LIMA1: variants seen among roughly 807,000 people sequenced by gnomAD.
LIMA1 encodes the protein LIM domain and actin binding 1.
In LIMA1, 52 loss-of-function variants were observed where a neutral mutation model predicts 62.6. That is an observed-to-expected ratio of 0.83 (90% confidence interval 0.67 to 1.05). LIMA1 has a LOEUF of 1.05. LIMA1 is among the 50% of genes least tolerant of loss of function. The pLI, the probability that LIMA1 is intolerant of heterozygous loss-of-function variation, is 0.00. For missense variants in LIMA1, 780 were observed against 902.2 expected (o/e 0.86, Z 1.74); for synonymous variants, 302 against 317.8 (o/e 0.95, Z 0.53).
At chr12:50,248,983 C>T (rs1355464282) in intron 1 of LIMA1, among the ~76,000 whole-genome samples, 1 of 152,162 alleles carries the variant, frequency 6.6e-6, no homozygotes, top group African/African-American at 2.4e-5. Context: ...TTTAAGGTCC[C>T]TTCCAGTTCC....
At chr12:50,249,969 A>T (rs1482832128) in intron 1 of LIMA1, 1 of 152,200 alleles carries the variant, frequency 6.6e-6, no homozygotes, top group Non-Finnish European at 1.5e-5. Context: ...ATTTAAATCC[A>T]GCAACTCAAG....
At chr12:50,258,020 T>C (rs1475829704) in intron 1 of LIMA1, among the ~76,000 whole-genome samples, 1 of 152,240 alleles carries the variant, frequency 6.6e-6, no homozygotes, top group African/African-American at 2.4e-5. Context: ...TTGGCTCCAG[T>C]GTTCTCTCAA....
At chr12:50,186,167 T>C in intron 9 of LIMA1, 1 of 152,230 alleles carries the variant, frequency 6.6e-6, no homozygotes, top group East Asian at 1.9e-4. Flanking sequence ...ATCCTGCCCA[T>C]GCCTTCATGG....
Position 50,177,701 on chromosome 12 carries a change from C to T in LIMA1, c.1643G>A (p.Gly548Glu). The T allele has an allele frequency of 6.2e-7, 1 of 1,611,178 alleles. No homozygotes were observed. The highest frequency in any genetic ancestry group is 1.1e-5 in the South Asian group (1 of 90,502). Reference protein sequence around the residue: ...LGSSGSALEEGIKMSKPKWPP... With the variant: ...LGSSGSALEEEIKMSKPKWPP... ...CCATTTGGGCTTTGACATTTTGATC[C>T]CTTCCTCCAAGGCACTTCCTGAACT... The change falls in exon 11 of 11, where the codon GGG (glycine) becomes GAG (glutamate). Residue 548 changes from glycine to glutamate, a missense_variant. Physicochemically the swap from Gly to Glu is moderately conservative, Grantham distance 98. Coordinates refer to ENST00000341247, the MANE Select transcript of LIMA1 (RefSeq NM_016357.5).
intron 6 of LIMA1, 187 bp downstream of exon 6, chr12:50,204,365 G>T: frequency 1.7e-6 from 1 of 573,656 alleles, no homozygotes; most frequent in African/African-American, 1.9e-5. Context: ...GACTAAGAAA[G>T]CAAAGTCAGG....
In LIMA1 at chr12:50,222,393, G is replaced by A; in HGVS notation, c.258C>T (p.His86=). The A allele has an allele frequency of 1.9e-6, 3 of 1,614,136 alleles. No homozygotes were observed. The highest frequency in any genetic ancestry group is 2.5e-6 in the Non-Finnish European group (3 of 1,180,004). Residue 86 remains histidine (H), a synonymous_variant, in exon 4 of 11, where the codon CAC becomes CAT. Transcript: ENST00000341247. ...TGCTGCTGTTCCGTAGAGAGTCTGT[G>A]TGAGACTCTGCTCCCAGCCCTGGGT... ...WENPGLGAES[H]TDSLRNSSTE...
chr12:50,178,326 C>T (rs992119406), intron 10 of LIMA1, among the ~76,000 whole-genome samples: 5 of 151,996 alleles, frequency 3.3e-5, no homozygotes, highest in Admixed American at 1.3e-4. Flanking sequence ...GTGAGAGGAT[C>T]GCTTGAGCCC....
At chr12:50,262,652 AT>A (rs1420478793) in intron 1 of LIMA1, among the ~76,000 whole-genome samples, 43 of 151,374 alleles carry the variant, frequency 2.8e-4, no homozygotes, top group African/African-American at 1.0e-3. Context: ...ATAAAATAAA[AT>A]AAAATAAAAT....
intron 4 of LIMA1, among the ~76,000 whole-genome samples, chr12:50,210,641 T>A (rs1412514148): frequency 6.6e-6 from 1 of 152,220 alleles, no homozygotes; most frequent in Non-Finnish European, 1.5e-5. Context: ...AGCATAATCA[T>A]TTAGAACCAG....
chr12:50,246,753 TC>T (rs1286177935), intron 2 of LIMA1, among the ~76,000 whole-genome samples: 6 of 152,114 alleles, frequency 3.9e-5, no homozygotes, highest in African/African-American at 1.4e-4. Context: ...GCTTTCCTAT[TC>T]CCTTTATTCG....
intron 3 of LIMA1, among the ~76,000 whole-genome samples, chr12:50,226,019 ACTT>A (rs1039631875): frequency 2.6e-4 from 40 of 152,068 alleles, no homozygotes; most frequent in African/African-American, 7.5e-4. Context: ...TTACACTGTT[ACTT>A]CTTTGTTATC....
intron 1 of LIMA1, among the ~76,000 whole-genome samples, chr12:50,282,704 T>C (rs936130137): frequency 3.3e-5 from 5 of 152,130 alleles, no homozygotes; most frequent in African/African-American, 1.2e-4. Flanking sequence ...TGCAAGACAA[T>C]AGTAGTTCAA....
intron 1 of LIMA1, among the ~76,000 whole-genome samples, chr12:50,278,275 A>T (rs1592575167): frequency 6.6e-6 from 1 of 152,164 alleles, no homozygotes; most frequent in East Asian, 1.9e-4. Context: ...AAAAAAAAAT[A>T]GCCAGGTGTG....
chr12:50,260,011 A>G (rs1412046476), intron 1 of LIMA1, among the ~76,000 whole-genome samples: 1 of 152,162 alleles, frequency 6.6e-6, no homozygotes, highest in Non-Finnish European at 1.5e-5. Context: ...ACTCCCAGGA[A>G]TCAATAAAGA....
chr12:50,215,538 CG>C (rs1941328603), intron 4 of LIMA1, among the ~76,000 whole-genome samples: 2 of 152,138 alleles, frequency 1.3e-5, no homozygotes, highest in South Asian at 4.1e-4. Context: ...GGCGCAATCT[CG>C]GCTCACTGCA....
At position 50,195,861 on chromosome 12, in the gene LIMA1, T is replaced by A; in HGVS notation, c.999A>T (p.Ala333=). The change falls in exon 8 of 11, where the codon GCA becomes GCT. Residue 333 remains alanine, a synonymous_variant. Transcript: ENST00000341247. ...EKISANENSL[A]VRSTPAEDDS... ...CATCTTCGGCAGGGGTGGAACGGAC[T>A]GCCAGGCTATTCTCATTTGCAGAAA... The A allele has an allele frequency of 6.4e-7, 1 of 1,570,838 alleles. No individual in the cohort carries two copies. The highest frequency in any genetic ancestry group is 8.6e-7 in the Non-Finnish European group (1 of 1,162,882).
chr12:50,263,159 T>C lies in LIMA1; in HGVS notation c.-23-14385A>G, dbSNP rs573096707. ...TTCTTTTTTTTCCTCTAGCCAGGTC[T>C]GTTGCTGAATTTAAAATGCTGCTTG... On this transcript the variant is annotated intron_variant, in intron 1 of 10. Transcript: ENST00000341247. Among the ~76,000 whole-genome samples the C allele has an allele frequency of 2.6e-5, 4 of 152,356 alleles. No individual in the cohort carries two copies. In the South Asian group the frequency reaches 6.2e-4, roughly 24 times the overall value.
intron 3 of LIMA1, 68 bp from the exon 4 acceptor site, chr12:50,222,553 G>A: frequency 6.2e-7 from 1 of 1,607,278 alleles, no homozygotes; most frequent in Non-Finnish European, 8.5e-7. Context: ...GTTGTTCTTT[G>A]TAAAATGAAA....
At chr12:50,218,530 A>G (rs1941387861) in intron 4 of LIMA1, among the ~76,000 whole-genome samples, 1 of 152,080 alleles carries the variant, frequency 6.6e-6, no homozygotes, top group African/African-American at 2.4e-5. Flanking sequence ...AAATGTAAAC[A>G]CTTCCCATGG....
Sources: gnomAD v4.1 joint callset for allele counts (sites outside exome capture counted in the v4.1 genomes callset) on GRCh38, gnomAD v4.1.1 for gene constraint, MANE v1.5 for transcripts, NCBI Gene and HGNC (gene_info 2026-07-23, HGNC 2026-07-21) for gene names.